Variants in RNGTT observed in about 807,000 individuals in gnomAD.
RNGTT encodes mRNA-capping enzyme.
A neutral mutation model predicts 79.3 loss-of-function variants in RNGTT; 33 were observed. The observed-to-expected ratio is 0.42, with a 90% CI of 0.32 to 0.56. RNGTT has a LOEUF of 0.56. Among genes scored for constraint, RNGTT ranks in the 20% least tolerant of loss-of-function variants. The pLI is 0.17. For missense variants in RNGTT, 497 were observed against 739.1 expected, an observed-to-expected ratio of 0.67 and a Z score of 3.80; for synonymous variants, 222 against 235.9, an observed-to-expected ratio of 0.94 and a Z score of 0.54.
At chr6:88,806,180 T>C (rs1779947413) in intron 11 of RNGTT, among the ~76,000 whole-genome samples, 1 of 152,038 alleles carries the variant, frequency 6.6e-6, no homozygotes, top group African/African-American at 2.4e-5. Context: ...GAAAAATAAA[T>C]GGCCTATATT....
At chr6:88,906,314 T>A in intron 5 of RNGTT, 51 bp downstream of exon 5, 1 of 1,236,154 alleles carries the variant, frequency 8.1e-7, no homozygotes, top group Non-Finnish European at 1.1e-6. Flanking sequence ...AAAATATCAA[T>A]AAAATTTTTT....
intron 11 of RNGTT, among the ~76,000 whole-genome samples, chr6:88,806,231 C>T (rs1779949027): frequency 6.6e-6 from 1 of 151,510 alleles, no homozygotes; most frequent in Non-Finnish European, 1.5e-5. Context: ...AAGAGAGGGT[C>T]TATATTTTGG....
intron 12 of RNGTT, among the ~76,000 whole-genome samples, chr6:88,789,276 G>A (rs1182734096): frequency 6.6e-6 from 1 of 152,052 alleles, no homozygotes; most frequent in Admixed American, 6.6e-5. Flanking sequence ...AAAAAATTAG[G>A]CCGGGTGTGT....
chr6:88,833,144 A>G (rs1473620052), intron 11 of RNGTT, among the ~76,000 whole-genome samples: 2 of 152,200 alleles, frequency 1.3e-5, no homozygotes, highest in Non-Finnish European at 2.9e-5. Context: ...TTGCAGCACT[A>G]TTCACAATAG....
intron 9 of RNGTT, among the ~76,000 whole-genome samples, chr6:88,850,996 T>C (rs935850521): frequency 3.3e-5 from 5 of 151,978 alleles, no homozygotes; most frequent in African/African-American, 1.2e-4. Flanking sequence ...CTGTAACTCA[T>C]TCCTTGAAAT....
intron 2 of RNGTT, among the ~76,000 whole-genome samples, chr6:88,934,110 G>GT: frequency 6.6e-6 from 1 of 152,242 alleles, no homozygotes; most frequent in East Asian, 1.9e-4. Flanking sequence ...GCTCACCACT[G>GT]TAACTTCAAT....
At chr6:88,620,887 T>G (rs1772419137) in intron 14 of RNGTT, among the ~76,000 whole-genome samples, 1 of 152,202 alleles carries the variant, frequency 6.6e-6, no homozygotes. Context: ...GGGGCAGTTA[T>G]TTTGATTAAA....
intron 14 of RNGTT, among the ~76,000 whole-genome samples, chr6:88,652,456 T>C (rs1385210524): frequency 6.6e-6 from 1 of 152,210 alleles, no homozygotes. Flanking sequence ...TTAGATTTAC[T>C]GGAATACATC....
chr6:88,898,807 G>A (rs1783343725), intron 6 of RNGTT, among the ~76,000 whole-genome samples: 1 of 148,314 alleles, frequency 6.7e-6, no homozygotes, highest in Non-Finnish European at 1.5e-5. Flanking sequence ...TGGGAATGAA[G>A]AAATATTTTG....
chr6:88,845,392 A>G (rs1281378074), intron 10 of RNGTT, among the ~76,000 whole-genome samples: 1 of 152,234 alleles, frequency 6.6e-6, no homozygotes, highest in Non-Finnish European at 1.5e-5. Flanking sequence ...GTACATGAAC[A>G]CTTTTGTATG....
chr6:88,771,444 T>C lies in RNGTT; in HGVS notation c.1339-1570A>G, dbSNP rs188182348. 1.2e-4 allele frequency among the ~76,000 whole-genome samples: 18 copies of C among 151,144 alleles called. No homozygotes were observed. In the East Asian group the frequency reaches 2.3e-3, roughly 20 times the overall value. ...CTGCTAATAGAATAGTCTCAATTAC[T>C]ATAACTTTATACATTTTGAAAACAG... On this transcript the variant is annotated intron_variant, in intron 12 of 15. Coordinates refer to ENST00000369485, the MANE Select transcript of RNGTT (RefSeq NM_003800.5).
chr6:88,929,094 T>G (rs1238843453), intron 3 of RNGTT, 21 bp from the exon 4 acceptor site: 1 of 1,598,070 alleles, frequency 6.3e-7, no homozygotes, highest in African/African-American at 1.4e-5. Flanking sequence ...AGAAAAAGTT[T>G]TTTTGAAAAA....
chr6:88,637,983 T>C (rs1454324174), intron 14 of RNGTT, among the ~76,000 whole-genome samples: 1 of 152,156 alleles, frequency 6.6e-6, no homozygotes, highest in African/African-American at 2.4e-5. Flanking sequence ...CAGGTTTTTC[T>C]AGTTCTAAAG....
chr6:88,814,151 T>A (rs544684491), intron 11 of RNGTT, among the ~76,000 whole-genome samples: 1 of 152,250 alleles, frequency 6.6e-6, no homozygotes, highest in African/African-American at 2.4e-5. Flanking sequence ...CTTGTGTACG[T>A]ATTATGAAAG....
At chr6:88,629,478 T>G (rs974849101) in intron 14 of RNGTT, among the ~76,000 whole-genome samples, 3 of 152,202 alleles carry the variant, frequency 2.0e-5, no homozygotes, top group African/African-American at 7.2e-5. Flanking sequence ...TCTTAAAGAT[T>G]ACATTTGGAA....
intron 13 of RNGTT, among the ~76,000 whole-genome samples, chr6:88,765,306 CT>C (rs971553869): frequency 1.3e-5 from 2 of 151,846 alleles, no homozygotes; most frequent in East Asian, 1.9e-4. Context: ...ATTCAGGGCA[CT>C]TTTTTTCCAC....
intron 1 of RNGTT, among the ~76,000 whole-genome samples, chr6:88,942,830 T>C (rs1216551842): frequency 6.6e-6 from 1 of 152,220 alleles, no homozygotes; most frequent in Non-Finnish European, 1.5e-5. Context: ...CTAAATCAAA[T>C]GGTCAACTCT....
At chr6:88,929,500 C>T (rs1416677688) in intron 2 of RNGTT, among the ~76,000 whole-genome samples, 1 of 152,184 alleles carries the variant, frequency 6.6e-6, no homozygotes, top group African/African-American at 2.4e-5. Context: ...AAGGAAAGAA[C>T]AGGAATATAA....
At chr6:88,645,591 T>C (rs934410737) in intron 14 of RNGTT, among the ~76,000 whole-genome samples, 1 of 152,194 alleles carries the variant, frequency 6.6e-6, no homozygotes, top group African/African-American at 2.4e-5. Context: ...TCACGCTACC[T>C]GACTCCAAAG....
Sources: allele counts gnomAD v4.1 joint callset (sites outside exome capture counted in the v4.1 genomes callset), GRCh38; gene constraint gnomAD v4.1.1; transcripts MANE v1.5; gene names NCBI Gene and HGNC (gene_info 2026-07-23, HGNC 2026-07-21).